The following NOS1AP variants were observed in gnomAD, a reference collection of about 807,000 sequenced individuals.
NOS1AP encodes nitric oxide synthase 1 adaptor protein, also known as carboxyl-terminal PDZ ligand of neuronal nitric oxide synthase protein.
Under a neutral mutation model 56.2 loss-of-function variants are expected in NOS1AP, and 21 were observed. That is an observed-to-expected ratio of 0.37 (90% confidence interval 0.26 to 0.54). NOS1AP has a LOEUF of 0.54. Among genes scored for constraint, NOS1AP ranks in the 20% least tolerant of loss-of-function variants. The probability of loss-of-function intolerance (pLI) is 0.84; values close to 1 mark genes in which losing one functional copy is unlikely to be tolerated. For synonymous variants in NOS1AP, 270 were observed against 274.6 expected (o/e 0.98, Z 0.17); for missense variants, 522 against 657.8 (o/e 0.79, Z 2.26).
chr1:162,213,469 G>A (rs1400715968), intron 2 of NOS1AP, among the ~76,000 whole-genome samples: 1 of 152,192 alleles, frequency 6.6e-6, no homozygotes, highest in African/African-American at 2.4e-5. Flanking sequence ...ACAAGAAGCA[G>A]AGACCTTTCA....
chr1:162,315,038 T>C (rs954993387), intron 4 of NOS1AP, among the ~76,000 whole-genome samples: 4 of 152,222 alleles, frequency 2.6e-5, no homozygotes, highest in South Asian at 2.1e-4. Flanking sequence ...ACCAATCTCA[T>C]GTTGGTGAGT....
chr1:162,252,318 T>A (rs1010526142), intron 2 of NOS1AP, among the ~76,000 whole-genome samples: 6 of 152,152 alleles, frequency 3.9e-5, no homozygotes, highest in Non-Finnish European at 8.8e-5. Context: ...ACATGCTGGC[T>A]GGGATTATAG....
At chr1:162,286,340 T>A (rs986097272) in intron 2 of NOS1AP, among the ~76,000 whole-genome samples, 24 of 152,132 alleles carry the variant, frequency 1.6e-4, no homozygotes, top group Non-Finnish European at 3.2e-4. Context: ...GGAGAAGGGA[T>A]GTGGGTGGGC....
At chr1:162,146,715 A>G (rs1438985371) in intron 1 of NOS1AP, among the ~76,000 whole-genome samples, 1 of 152,222 alleles carries the variant, frequency 6.6e-6, no homozygotes, top group Non-Finnish European at 1.5e-5. Flanking sequence ...TATCTTAAAC[A>G]ATAGACTTTA....
intron 2 of NOS1AP, among the ~76,000 whole-genome samples, chr1:162,219,520 A>AC (rs1652696530): frequency 6.6e-6 from 1 of 150,916 alleles, no homozygotes; most frequent in Non-Finnish European, 1.5e-5. Context: ...GCCTTCTCTG[A>AC]CCCCCTGCCA....
rs116673805 is a variant in NOS1AP, at chr1:162,202,422, A to G, written c.177+47946A>G. On this transcript the variant is annotated intron_variant, in intron 2 of 9. Coordinates refer to ENST00000361897, the MANE Select transcript of NOS1AP (RefSeq NM_014697.3). ...AAGTTGAAATCATGGTACATAAACA[A>G]TTTTGAATCTTACATTTGATGTAAA... is the stretch of plus-strand genomic sequence containing the variant. 6.8e-3 allele frequency among the ~76,000 whole-genome samples: 1,043 copies of G among 152,300 alleles called. 15 individuals are homozygous for G. The highest frequency in any genetic ancestry group is 0.022 in the African/African-American group (930 of 41,566).
At chr1:162,234,319 A>G (rs564100423) in intron 2 of NOS1AP, among the ~76,000 whole-genome samples, 1 of 152,328 alleles carries the variant, frequency 6.6e-6, no homozygotes, top group South Asian at 2.1e-4. Context: ...CATTGGGCTT[A>G]TATCATAGAG....
At chr1:162,086,630 G>A (rs901865408) in intron 1 of NOS1AP, among the ~76,000 whole-genome samples, 1 of 152,150 alleles carries the variant, frequency 6.6e-6, no homozygotes, top group Non-Finnish European at 1.5e-5. Flanking sequence ...ATTTACTGGG[G>A]TGCCTTGGCC....
In NOS1AP at chr1:162,367,311, C is replaced by A. The variant is rs1658126965; in HGVS notation, c.1365C>A (p.Ile455=). Residue 455 remains isoleucine (I), a synonymous_variant, in exon 10 of 10, where the codon ATC becomes ATA. Coordinates refer to ENST00000361897, the MANE Select transcript of NOS1AP (RefSeq NM_014697.3). This position sits in a 1 kb window ranked among gnomAD's most constrained non-coding sequence, Gnocchi z 6.5. The part of the protein sequence containing the change: ...GEALLGGLEL[I]KFRESGIASE... Reference sequence around the variant, plus strand: ...CGCTCCTGGGCGGTCTGGAGCTCATCAAGTTCCGAGAGTCAGGCATCGCCT... The same window carrying A: ...CGCTCCTGGGCGGTCTGGAGCTCATAAAGTTCCGAGAGTCAGGCATCGCCT... 6.2e-7 allele frequency: 1 copy of A among 1,613,388 alleles called. No individual in the cohort carries two copies. The highest frequency in any genetic ancestry group is 8.5e-7 in the Non-Finnish European group (1 of 1,179,936).
intron 1 of NOS1AP, among the ~76,000 whole-genome samples, chr1:162,110,513 CA>C (rs1477310150): frequency 7.9e-5 from 12 of 152,272 alleles, no homozygotes; most frequent in Admixed American, 3.3e-4. Context: ...TCTAAGACCC[CA>C]ATCAGAATCT....
In NOS1AP at chr1:162,355,500, A is replaced by G. The variant is rs1657672852; in HGVS notation, c.762+147A>G. On this transcript the variant is annotated intron_variant, in intron 7 of 9. Transcript: ENST00000361897. ...AGAGCGCACTTCATTGCCTTTCAGA[A>G]GGTCTGACTTCCAGAGGGTCTGAAC... is the stretch of plus-strand genomic sequence containing the variant. 1.1e-5 allele frequency: 11 copies of G among 973,608 alleles called. No homozygotes were observed. The South Asian group carries it at 1.5e-4, about 13-fold the overall frequency. 60.3% of individuals were successfully genotyped at this position (973,608 alleles called of 1,614,324 possible).
Position 162,303,369 on chromosome 1 carries a change from T to C in NOS1AP, c.344+2663T>C, listed in dbSNP as rs114753878. Among the ~76,000 whole-genome samples the C allele has an allele frequency of 7.4e-3, 1,124 of 152,342 alleles. 12 individuals carry two copies. Among genetic ancestry groups the C allele is most frequent in the African/African-American group, 0.025 (1,049 of 41,578 alleles). On this transcript the variant is annotated intron_variant, in intron 4 of 9. Transcript: ENST00000361897. ...TATTGTCAGTCCTTTTAATTTTAAC[T>C]CTTCAAATATGTGTTTATTAATATC...
intron 2 of NOS1AP, among the ~76,000 whole-genome samples, chr1:162,192,496 A>T (rs1020477623): frequency 6.6e-6 from 1 of 152,188 alleles, no homozygotes; most frequent in Non-Finnish European, 1.5e-5. Context: ...AAGGAATACA[A>T]GTGGCACTTG....
chr1:162,091,292 T>C (rs114074345), intron 1 of NOS1AP, among the ~76,000 whole-genome samples: 7,405 of 152,238 alleles, frequency 0.049, 225 homozygotes, highest in African/African-American at 0.079. Flanking sequence ...TGTTCCAGGT[T>C]CAGCGGCAGT....
intron 3 of NOS1AP, among the ~76,000 whole-genome samples, chr1:162,288,189 C>A (rs1489275209): frequency 6.6e-6 from 1 of 152,162 alleles, no homozygotes; most frequent in Non-Finnish European, 1.5e-5. Flanking sequence ...CAGAAAAGAG[C>A]TTGGCTGATT....
intron 2 of NOS1AP, among the ~76,000 whole-genome samples, chr1:162,239,943 G>C (rs1450126754): frequency 6.6e-6 from 1 of 152,190 alleles, no homozygotes; most frequent in Non-Finnish European, 1.5e-5. Flanking sequence ...AATACTTGGG[G>C]ACACAGATGT....
chr1:162,119,496 A>G (rs1158201226), intron 1 of NOS1AP, among the ~76,000 whole-genome samples: 3 of 152,252 alleles, frequency 2.0e-5, no homozygotes, highest in Non-Finnish European at 4.4e-5. Context: ...ATTCTATAAA[A>G]GCCAAAAAAC....
intron 2 of NOS1AP, among the ~76,000 whole-genome samples, chr1:162,174,262 A>G (rs1345004780): frequency 1.3e-5 from 2 of 152,072 alleles, no homozygotes; most frequent in Non-Finnish European, 2.9e-5. Flanking sequence ...CTTTGTAGGG[A>G]CATGGATGAA....
intron 2 of NOS1AP, among the ~76,000 whole-genome samples, chr1:162,186,754 G>T (rs757022792): frequency 1.3e-4 from 20 of 152,194 alleles, no homozygotes; most frequent in Non-Finnish European, 2.6e-4. Context: ...TTGACACCTT[G>T]ATTTTGGATG....
Sources: allele counts gnomAD v4.1 joint callset (sites outside exome capture counted in the v4.1 genomes callset), GRCh38; gene constraint gnomAD v4.1.1; non-coding constraint Gnocchi (gnomAD v3.1); transcripts MANE v1.5; gene names NCBI Gene and HGNC (gene_info 2026-07-23, HGNC 2026-07-21).